C5: variants seen among roughly 807,000 people sequenced by gnomAD.
C5 encodes the protein complement C5.
A neutral mutation model predicts 218.8 loss-of-function variants in C5; 140 were observed. The ratio of observed to expected loss-of-function variants is 0.64; its 90% CI spans 0.56 to 0.74. The LOEUF (loss-of-function observed/expected upper bound fraction) is 0.74. Among genes scored for constraint, C5 ranks in the 30% least tolerant of loss-of-function variants. C5 has a pLI of 0.00. For missense variants in C5, 1,700 were observed against 1,969.6 expected, an observed-to-expected ratio of 0.86 and a Z score of 2.59; for synonymous variants, 614 against 682.3, an observed-to-expected ratio of 0.90 and a Z score of 1.56.
At chr9:121,025,189 T>C (rs1207636363) in intron 9 of C5, among the ~76,000 whole-genome samples, 4 of 152,170 alleles carry the variant, frequency 2.6e-5, no homozygotes, top group Non-Finnish European at 4.4e-5. Context: ...TGGACATGAA[T>C]TGGGTACTGT....
intron 7 of C5, among the ~76,000 whole-genome samples, chr9:121,028,537 CT>C (rs1300898326): frequency 5.3e-5 from 8 of 152,146 alleles, no homozygotes; most frequent in Non-Finnish European, 1.2e-4. Flanking sequence ...AGTTCATGTC[CT>C]TTGCAGGGAC....
At position 121,013,918 on chromosome 9, in the gene C5, G is replaced by T; in HGVS notation, c.2212C>A (p.Leu738Ile). Residue 738 changes from leucine to isoleucine, a missense_variant, in exon 17 of 41, where the codon CTC becomes ATC. By Grantham distance (5) the Leu-to-Ile change is conservative. Transcript: ENST00000223642. ...FTECCVVASQ[L>I]RANISHKDMQ... ...TCTTTATGAGAGATATTAGCACGGA[G>T]CTGGCTTGCGACGACACAACATTCA... is the stretch of plus-strand genomic sequence containing the variant. 6.2e-7 allele frequency: 1 copy of T among 1,614,170 alleles called. No individual in the cohort carries two copies.
chr9:121,011,543 A>G lies in C5; in HGVS notation c.2257+2330T>C, dbSNP rs1036934870. Among the ~76,000 whole-genome samples, 10 of 88,016 alleles carry G rather than the reference A, an allele frequency of 1.1e-4. No individual in the cohort carries two copies. In the South Asian group the frequency reaches 5.0e-3, roughly 44 times the overall value. The allele number at this position is 88,016 out of a possible 152,430, so 57.7% of individuals were successfully genotyped here. A position where few individuals can be genotyped will look rare whatever the true frequency, so the allele number is the denominator to read the frequency against. On this transcript the variant is annotated intron_variant, in intron 17 of 40. Transcript: ENST00000223642. ...CTGTTAGTGGGGAATGTAAATTACT[A>G]TACACTATGGAGAACAGTTTGGAGG...
upstream of C5, among the ~76,000 whole-genome samples, chr9:121,054,301 A>G (rs1361619777): frequency 6.6e-6 from 1 of 152,192 alleles, no homozygotes; most frequent in East Asian, 1.9e-4. Flanking sequence ...ATGAGTTTTA[A>G]AAGTTAACCT....
intron 40 of C5, among the ~76,000 whole-genome samples, chr9:120,953,278 C>T (rs1012108774): frequency 1.8e-4 from 28 of 152,148 alleles, no homozygotes; most frequent in African/African-American, 4.6e-4. Context: ...TCAGGCTGTC[C>T]GCCAAACTCT....
intron 14 of C5, 150 bp from the exon 15 acceptor site, chr9:121,016,533 T>C: frequency 1.0e-6 from 1 of 999,032 alleles, no homozygotes; most frequent in South Asian, 1.5e-5. Context: ...ATTTCCCAAC[T>C]TTGTTTCTAA....
At chr9:121,056,246 C>G in the C5 span, among the ~76,000 whole-genome samples, 1 of 152,208 alleles carries the variant, frequency 6.6e-6, no homozygotes, top group Non-Finnish European at 1.5e-5. Flanking sequence ...CATGGCCTCA[C>G]TGAATGGACT....
At chr9:121,062,901 T>A in the C5 span, among the ~76,000 whole-genome samples, 27 of 152,206 alleles carry the variant, frequency 1.8e-4, no homozygotes, top group Admixed American at 1.6e-3. Context: ...CAAGATTATC[T>A]CTTCATCTTT....
rs1564157483 is a variant in C5 at position 121,025,463 on chromosome 9, C to T, written c.991G>A (p.Glu331Lys). Residue 331 changes from glutamate to lysine, a missense_variant, in exon 9 of 41, where the codon GAG becomes AAG. Coordinates refer to ENST00000223642, the MANE Select transcript of C5 (RefSeq NM_001735.3). The part of the protein sequence containing the change: ...KYLYIAVTVI[E>K]STGGFSEEAE... ...ACACACACACACTTACCTGTAGACT[C>T]TATGACTGTTACAGCAATATAAAGG... The T allele has an allele frequency of 6.3e-7, 1 of 1,589,822 alleles. No individual in the cohort carries two copies. Among genetic ancestry groups the T allele is most frequent in the African/African-American group, 1.4e-5 (1 of 73,202 alleles).
In C5 at chr9:120,981,907, G is replaced by A. The variant is rs1587958504; in HGVS notation, c.3423C>T (p.Ser1141=). The A allele has an allele frequency of 1.2e-6, 2 of 1,614,000 alleles. No homozygotes were observed. Among genetic ancestry groups the A allele is most frequent in the South Asian group, 2.2e-5 (2 of 91,082 alleles). Reference sequence around the variant, plus strand: ...TCACAGTAAAGGCTGTAAGATATAAGCTGTTCTCTCGGGCTTCAACAGGCA... The same window carrying A: ...TCACAGTAAAGGCTGTAAGATATAAACTGTTCTCTCGGGCTTCAACAGGCA... ...GTLPVEAREN[S]LYLTAFTVIG... The change falls in exon 27 of 41, where the codon AGC becomes AGT. Residue 1141 remains serine (S), a synonymous_variant. Coordinates refer to ENST00000223642, the MANE Select transcript of C5 (RefSeq NM_001735.3).
At chr9:121,010,319 G>A (rs1001037146) in intron 17 of C5, among the ~76,000 whole-genome samples, 2 of 152,102 alleles carry the variant, frequency 1.3e-5, no homozygotes, top group East Asian at 3.8e-4. Flanking sequence ...ACAAAAATCA[G>A]TAGCATTTCT....
intron 7 of C5, among the ~76,000 whole-genome samples, chr9:121,028,122 T>C (rs1281560818): frequency 6.6e-6 from 1 of 152,072 alleles, no homozygotes; most frequent in Non-Finnish European, 1.5e-5. Context: ...ATCAGAGAAA[T>C]GCAAATCAAA....
In C5 at chr9:120,952,592, T is replaced by C. The variant is rs953864121; in HGVS notation, c.*147A>G. Reference sequence around the variant, plus strand: ...TACAGCATTTGAAATCATTCTCTAATAAAAGCAAGTGCCACTAATTCTAAG... The same window carrying C: ...TACAGCATTTGAAATCATTCTCTAACAAAAGCAAGTGCCACTAATTCTAAG... On this transcript the variant is annotated 3_prime_UTR_variant, in exon 41 of 41. Coordinates refer to ENST00000223642, the MANE Select transcript of C5 (RefSeq NM_001735.3). 2.7e-6 allele frequency: 2 copies of C among 741,232 alleles called. No individual in the cohort carries two copies. Among genetic ancestry groups the C allele is most frequent in the South Asian group, 3.2e-5 (2 of 62,144 alleles). The allele number at this position is 741,232 out of a possible 1,614,324, so 45.9% of individuals were successfully genotyped here.
At chr9:121,071,396 A>C in the C5 span, among the ~76,000 whole-genome samples, 1 of 152,120 alleles carries the variant, frequency 6.6e-6, no homozygotes, top group Non-Finnish European at 1.5e-5. Flanking sequence ...AAATTAAAAA[A>C]AAATCAGGCT....
intron 29 of C5, among the ~76,000 whole-genome samples, chr9:120,976,212 TA>T (rs1263866751): frequency 1.3e-5 from 2 of 152,230 alleles, no homozygotes; most frequent in Non-Finnish European, 2.9e-5. Context: ...TACGACTACA[TA>T]ATAATTAGTT....
intron 2 of C5, among the ~76,000 whole-genome samples, chr9:121,045,180 G>A (rs1278562052): frequency 1.3e-5 from 2 of 151,856 alleles, no homozygotes; most frequent in Admixed American, 6.6e-5. Flanking sequence ...AGAGATATGA[G>A]CATTTACTGC....
chr9:121,008,480 G>A lies in C5; in HGVS notation c.2276C>T (p.Pro759Leu), dbSNP rs1475311056. The change falls in exon 18 of 41, where the codon CCA becomes CTA. Residue 759 changes from proline to leucine, a missense_variant. By Grantham distance (98) the Pro-to-Leu change is moderately conservative (BLOSUM62 -3). Transcript: ENST00000223642. Reference sequence around the variant, plus strand: ...ACTCCGAATTTCTGGCTTGCTTACTGGTAACAGGGTCTTCATGTCTGGACA... The same window carrying A: ...ACTCCGAATTTCTGGCTTGCTTACTAGTAACAGGGTCTTCATGTCTGGACA... ...LGRLHMKTLL[P>L]VSKPEIRSYF... 6.2e-7 allele frequency: 1 copy of A among 1,613,068 alleles called. No homozygotes were observed. The highest frequency in any genetic ancestry group is 2.2e-5 in the East Asian group (1 of 44,830).
In C5 at chr9:120,960,601, G is replaced by C. The variant is rs1191059114; in HGVS notation, c.4589-264C>G. ...GGCCCGTGGGCAGCACACAGCCCAG[G>C]GCAGCTTCGAATGCGGCACAACACA... is the stretch of plus-strand genomic sequence containing the variant. On this transcript the variant is annotated intron_variant, in intron 37 of 40. Transcript: ENST00000223642. Among the ~76,000 whole-genome samples the C allele has an allele frequency of 2.0e-5, 3 of 152,184 alleles. No individual in the cohort carries two copies. In the East Asian group the frequency reaches 5.8e-4, roughly 29 times the overall value.
chr9:121,066,862 G>A, the C5 span, among the ~76,000 whole-genome samples: 987 of 134,272 alleles, frequency 7.4e-3, no homozygotes, highest in Non-Finnish European at 8.6e-3. Flanking sequence ...CTCAAAAAAA[G>A]AAAAAAAAAA....
Sources: gnomAD v4.1 joint callset for allele counts (sites outside exome capture counted in the v4.1 genomes callset) on GRCh38, gnomAD v4.1.1 for gene constraint, MANE v1.5 for transcripts, NCBI Gene and HGNC (gene_info 2026-07-23, HGNC 2026-07-21) for gene names.